Variants in ROBO1 observed in about 807,000 individuals in gnomAD.
ROBO1 encodes the protein roundabout guidance receptor 1, also known as roundabout homolog 1.
ROBO1 carries 149 observed loss-of-function variants against 195.9 expected under a neutral mutation model. The observed-to-expected ratio is 0.76, with a 90% CI of 0.67 to 0.87. ROBO1 has a LOEUF of 0.87. ROBO1 is among the 40% of genes least tolerant of loss of function. The pLI is 0.00. For missense variants in ROBO1, 1,933 were observed against 2,068.3 expected (o/e 0.93, Z 1.27); for synonymous variants, 816 against 733.2 (o/e 1.11, Z -1.82).
chr3:79,457,814 A>G (rs900919844), intron 2 of ROBO1, among the ~76,000 whole-genome samples: 2 of 151,508 alleles, frequency 1.3e-5, no homozygotes, highest in African/African-American at 4.9e-5. Flanking sequence ...AGTCCATTAA[A>G]CCTCTTTTTC....
chr3:79,654,986 T>C (rs1946117903), intron 1 of ROBO1, among the ~76,000 whole-genome samples: 1 of 151,916 alleles, frequency 6.6e-6, no homozygotes, highest in South Asian at 2.1e-4. Flanking sequence ...ATGTGGGAAG[T>C]GGGATTGGTA....
At position 78,685,732 on chromosome 3, in the gene ROBO1, G is replaced by C. The variant is rs760542747; in HGVS notation, c.1342+14C>G. ...AAACTTGGACATTTTGAAATAAAAT[G>C]TTTTACACTTTACCATCTGTAACTT... On this transcript the variant is annotated intron_variant, in intron 10 of 30. Coordinates refer to ENST00000464233, the MANE Select transcript of ROBO1 (RefSeq NM_002941.4). The C allele has an allele frequency of 7.0e-6, 11 of 1,576,182 alleles. No individual in the cohort carries two copies. The highest frequency in any genetic ancestry group is 9.5e-6 in the Non-Finnish European group (11 of 1,153,592).
intron 2 of ROBO1, among the ~76,000 whole-genome samples, chr3:79,265,546 T>A (rs1576896042): frequency 6.6e-6 from 1 of 151,698 alleles, no homozygotes; most frequent in Middle Eastern, 3.4e-3. Context: ...TATTTGCAAA[T>A]TTTTTAAGTT....
intron 2 of ROBO1, among the ~76,000 whole-genome samples, chr3:79,264,140 C>A (rs1005975461): frequency 2.0e-5 from 3 of 151,976 alleles, no homozygotes. Flanking sequence ...TGTACCATGG[C>A]CTTATTTGAA....
intron 3 of ROBO1, among the ~76,000 whole-genome samples, chr3:79,101,312 G>T (rs957614771): frequency 1.3e-5 from 2 of 151,770 alleles, no homozygotes; most frequent in Admixed American, 1.3e-4. Context: ...AATCTCATGG[G>T]TGGACAGCGC....
intron 26 of ROBO1, among the ~76,000 whole-genome samples, chr3:78,625,575 A>G (rs1266818745): frequency 6.6e-6 from 1 of 152,182 alleles, no homozygotes; most frequent in Non-Finnish European, 1.5e-5. Context: ...AGAATATAAG[A>G]GTTGAACAAA....
At chr3:78,672,415 C>A (rs1320800336) in intron 10 of ROBO1, among the ~76,000 whole-genome samples, 1 of 151,540 alleles carries the variant, frequency 6.6e-6, no homozygotes, top group East Asian at 1.9e-4. Flanking sequence ...CCCATCTCCA[C>A]AAAAATAAAA....
chr3:78,764,421 C>A (rs1266308452), intron 4 of ROBO1, among the ~76,000 whole-genome samples: 1 of 152,046 alleles, frequency 6.6e-6, no homozygotes, highest in Non-Finnish European at 1.5e-5. Context: ...AGAAAACAAA[C>A]AGCATTTTAT....
At chr3:78,930,859 G>T (rs2039482927) in intron 4 of ROBO1, among the ~76,000 whole-genome samples, 1 of 152,152 alleles carries the variant, frequency 6.6e-6, no homozygotes, top group African/African-American at 2.4e-5. Context: ...CAACATAGGT[G>T]ATGTTTTAAA....
At chr3:79,656,400 G>A (rs1946164490) in intron 1 of ROBO1, among the ~76,000 whole-genome samples, 1 of 151,672 alleles carries the variant, frequency 6.6e-6, no homozygotes, top group South Asian at 2.1e-4. Flanking sequence ...TATTTAGGAG[G>A]GCGAACCATT....
At chr3:78,792,153 G>A (rs2084040254) in intron 4 of ROBO1, among the ~76,000 whole-genome samples, 1 of 152,130 alleles carries the variant, frequency 6.6e-6, no homozygotes, top group Non-Finnish European at 1.5e-5. Context: ...TGAGTCCTGG[G>A]ACCTCATTGT....
At chr3:79,117,325 G>A (rs1171064033) in intron 3 of ROBO1, among the ~76,000 whole-genome samples, 3 of 151,592 alleles carry the variant, frequency 2.0e-5, no homozygotes, top group Admixed American at 6.6e-5. Flanking sequence ...AGTCAAGATC[G>A]CACCACTGCA....
At chr3:79,550,191 GAAAGGAAAAGAAAAGAAAAGAAAA>G (rs1285905343) in intron 2 of ROBO1, among the ~76,000 whole-genome samples, 12 of 86,938 alleles carry the variant, frequency 1.4e-4, no homozygotes, top group African/African-American at 5.2e-4. Flanking sequence ...AAGAAAGAAA[GAAAGGAAAAGAAAAGAAAAGAAAA>G]GAAAAGAAAA....
chr3:79,607,985 A>G (rs1944542247), intron 1 of ROBO1, among the ~76,000 whole-genome samples: 1 of 152,040 alleles, frequency 6.6e-6, no homozygotes, highest in Non-Finnish European at 1.5e-5. Flanking sequence ...AATCACGTTT[A>G]TGCTGTATGT....
At chr3:79,444,036 T>C (rs531456819) in intron 2 of ROBO1, among the ~76,000 whole-genome samples, 34 of 152,200 alleles carry the variant, frequency 2.2e-4, no homozygotes, top group African/African-American at 7.0e-4. Flanking sequence ...TTTGACAGAT[T>C]AACAATTTTG....
chr3:79,405,164 C>A (rs569324438), intron 2 of ROBO1, among the ~76,000 whole-genome samples: 1 of 152,154 alleles, frequency 6.6e-6, no homozygotes, highest in South Asian at 2.1e-4. Flanking sequence ...TAGCATTCTT[C>A]ATAAAAGAAA....
intron 1 of ROBO1, among the ~76,000 whole-genome samples, chr3:79,734,958 C>T (rs1309623868): frequency 2.0e-5 from 3 of 152,180 alleles, no homozygotes; most frequent in South Asian, 4.1e-4. Context: ...GATTCTAACA[C>T]GTAGCAAAGT....
intron 2 of ROBO1, among the ~76,000 whole-genome samples, chr3:79,361,288 A>C (rs1273280919): frequency 6.6e-6 from 1 of 152,096 alleles, no homozygotes; most frequent in African/African-American, 2.4e-5. Flanking sequence ...GTAGATAAAA[A>C]TTAACTTTTT....
intron 1 of ROBO1, among the ~76,000 whole-genome samples, chr3:79,748,938 G>C (rs1703997578): frequency 6.6e-6 from 1 of 152,126 alleles, no homozygotes; most frequent in East Asian, 1.9e-4. Flanking sequence ...AGTACAGTGG[G>C]GTCCTGCTGA....
Sources: allele counts gnomAD v4.1 joint callset (sites outside exome capture counted in the v4.1 genomes callset), GRCh38; gene constraint gnomAD v4.1.1; transcripts MANE v1.5; gene names NCBI Gene and HGNC (gene_info 2026-07-23, HGNC 2026-07-21).